Variants in DISC1 observed in about 807,000 individuals in gnomAD.
The protein encoded by DISC1 is DISC1 scaffold protein.
DISC1 carries 57 observed loss-of-function variants against 84.5 expected under a neutral mutation model. The observed-to-expected ratio is 0.67, with a 90% confidence interval of 0.55 to 0.84. The LOEUF (loss-of-function observed/expected upper bound fraction) is 0.84. Ranked by LOEUF, DISC1 falls within the 40% of genes least tolerant of loss-of-function variation. The probability of loss-of-function intolerance (pLI) is 0.00; values close to 1 mark genes in which losing one functional copy is unlikely to be tolerated. For missense variants in DISC1, 1,000 were observed against 1,057.8 expected (o/e 0.95, Z 0.76); for synonymous variants, 411 against 415.2 (o/e 0.99, Z 0.12).
At chr1:231,711,952 T>C (rs1014750592) in intron 3 of DISC1, among the ~76,000 whole-genome samples, 2 of 152,154 alleles carry the variant, frequency 1.3e-5, no homozygotes, top group African/African-American at 4.8e-5. Context: ...GCAGATGTGA[T>C]TGAATTAGAG....
At chr1:231,883,311 CAA>C (rs943501083) in intron 9 of DISC1, among the ~76,000 whole-genome samples, 1 of 151,794 alleles carries the variant, frequency 6.6e-6, no homozygotes, top group Admixed American at 6.6e-5. Flanking sequence ...CAGCAATGAA[CAA>C]AAAAAACCCA....
chr1:231,966,156 A>C (rs1661089317), intron 10 of DISC1, among the ~76,000 whole-genome samples: 1 of 152,138 alleles, frequency 6.6e-6, no homozygotes, highest in Non-Finnish European at 1.5e-5. Flanking sequence ...TTGACACTAT[A>C]TTCTCAACTA....
intron 3 of DISC1, among the ~76,000 whole-genome samples, chr1:231,710,094 T>C (rs1218789655): frequency 6.6e-6 from 1 of 152,122 alleles, no homozygotes; most frequent in African/African-American, 2.4e-5. Context: ...CCTAGCACTT[T>C]GAAAGGCTAA....
chr1:231,842,960 A>G (rs762262821), intron 9 of DISC1, among the ~76,000 whole-genome samples: 1 of 152,176 alleles, frequency 6.6e-6, no homozygotes, highest in African/African-American at 2.4e-5. Context: ...TAATTTTTAT[A>G]GTGAGCCACT....
chr1:231,825,567 G>T (rs1019408895), intron 9 of DISC1, among the ~76,000 whole-genome samples: 1 of 152,094 alleles, frequency 6.6e-6, no homozygotes, highest in African/African-American at 2.4e-5. Flanking sequence ...GAGCCTGTTT[G>T]CCATGTTTTG....
Position 231,675,508 on chromosome 1 carries a change from TG to T in DISC1, c.68-18317del, listed in dbSNP as rs1288881680. On this transcript the variant is annotated intron_variant, in intron 1 of 12. Transcript: ENST00000439617. This position sits in a 1 kb window ranked among gnomAD's most constrained non-coding sequence, Gnocchi z 4.1. ...CTTATCATCAGATAGAGATGCTATTTGTACATTTCTCCCTCATACATGTACA... is the reference window on the plus strand; with the variant it reads ...CTTATCATCAGATAGAGATGCTATTTTACATTTCTCCCTCATACATGTACA... Among the ~76,000 whole-genome samples, 1 of 152,224 alleles carries T rather than the reference TG, an allele frequency of 6.6e-6. No homozygotes were observed. The highest frequency in any genetic ancestry group is 2.1e-4 in the South Asian group (1 of 4,826).
At position 232,037,810 on chromosome 1, in the gene DISC1, T is replaced by G. The variant is rs1358794931; in HGVS notation, c.*979T>G. ...CTCAGTAATACAGTACAGTATTCAG[T>G]AAGGCAGTGAAGTACTCAGTAATAC... On this transcript the variant is annotated 3_prime_UTR_variant, in exon 13 of 13. Transcript: ENST00000439617. 1 of 151,630 alleles carries G rather than the reference T, an allele frequency of 6.6e-6. No homozygotes were observed. The highest frequency in any genetic ancestry group is 2.4e-5 in the African/African-American group (1 of 41,140). The allele number at this position is 151,630 out of a possible 1,614,324, so 9.4% of individuals were successfully genotyped here.
At chr1:231,916,627 C>A (rs996021671) in intron 9 of DISC1, among the ~76,000 whole-genome samples, 5 of 143,340 alleles carry the variant, frequency 3.5e-5, no homozygotes, top group Admixed American at 7.1e-5. Flanking sequence ...TGCACTCCAG[C>A]CTGGGCGACA....
intron 10 of DISC1, among the ~76,000 whole-genome samples, chr1:232,003,297 T>C (rs1463442038): frequency 6.6e-6 from 1 of 152,106 alleles, no homozygotes; most frequent in Non-Finnish European, 1.5e-5. Context: ...ATAAGCTGGG[T>C]AAATTTGAAT....
intron 3 of DISC1, among the ~76,000 whole-genome samples, chr1:231,713,585 A>G (rs1387211325): frequency 6.6e-6 from 1 of 151,534 alleles, no homozygotes; most frequent in Non-Finnish European, 1.5e-5. Flanking sequence ...ACTTGAAGAT[A>G]CTACAATGGA....
At chr1:231,729,218 C>A (rs2071185551) in intron 3 of DISC1, among the ~76,000 whole-genome samples, 1 of 152,228 alleles carries the variant, frequency 6.6e-6, no homozygotes, top group Non-Finnish European at 1.5e-5. Flanking sequence ...ATATGTGCCT[C>A]ATTTTCTTAA....
intron 4 of DISC1, 146 bp from the exon 5 acceptor site, chr1:231,766,994 A>G (rs2076218895): frequency 9.7e-7 from 1 of 1,036,180 alleles, no homozygotes; most frequent in Non-Finnish European, 1.4e-6. Context: ...TACATTAAGG[A>G]GCTCATCCTA....
intron 1 of DISC1, among the ~76,000 whole-genome samples, chr1:231,668,693 C>T (rs955351843): frequency 2.6e-5 from 4 of 152,178 alleles, no homozygotes; most frequent in African/African-American, 7.2e-5. Flanking sequence ...GTATGGTTAT[C>T]TTCTAATTAT....
At chr1:231,713,122 TA>T (rs1205848825) in intron 3 of DISC1, among the ~76,000 whole-genome samples, 1 of 152,136 alleles carries the variant, frequency 6.6e-6, no homozygotes, top group Non-Finnish European at 1.5e-5. Flanking sequence ...GAAAAGTATC[TA>T]CAAATGGACT....
chr1:231,701,963 C>A lies in DISC1; in HGVS notation c.1056C>A (p.Ser352=), dbSNP rs1372737122. The A allele has an allele frequency of 4.4e-6, 7 of 1,602,540 alleles. No individual in the cohort carries two copies. Among genetic ancestry groups the A allele is most frequent in the South Asian group, 1.1e-5 (1 of 89,390 alleles). The stretch of plus-strand genomic sequence containing the variant: ...CCTTTAAACCAACATAGGTAATATC[C>A]TTAAGATTAAAACTTCAGAAACTTC... ...LRNRRQMEVI[S]LRLKLQKLQE... is the part of the protein sequence containing the mutation. Residue 352 remains serine (S), a synonymous_variant, in exon 3 of 13, where the codon TCC becomes TCA. Coordinates refer to ENST00000439617, the MANE Select transcript of DISC1 (RefSeq NM_018662.3).
chr1:231,884,085 G>A (rs965969092), intron 9 of DISC1, among the ~76,000 whole-genome samples: 2 of 152,070 alleles, frequency 1.3e-5, no homozygotes, highest in South Asian at 2.1e-4. Flanking sequence ...CCTTTGGGGT[G>A]GGGCAGCTGC....
intron 10 of DISC1, among the ~76,000 whole-genome samples, chr1:231,967,825 AAAT>A (rs958307246): frequency 3.9e-5 from 6 of 152,224 alleles, no homozygotes; most frequent in East Asian, 1.9e-4. Context: ...AGTATGCTTA[AAAT>A]AATAATGCAT....
In DISC1 at chr1:231,800,210, G is replaced by C. The variant is rs2079117131; in HGVS notation, c.1792G>C (p.Gly598Arg). ...LLEAKMHAISGNHFWTAKDLT... is the reference protein window; with the variant it reads ...LLEAKMHAISRNHFWTAKDLT... ...TGAAGCCAAAATGCATGCCATATCA[G>C]GTAACTGGCAGTGTAGGAGACGTTG... The change falls in exon 8 of 13, where the codon GGA becomes CGA. Residue 598 changes from glycine (G) to arginine (R), a missense_variant and splice_region_variant. Gly to Arg is a moderately radical substitution (Grantham distance 125). Coordinates refer to ENST00000439617, the MANE Select transcript of DISC1 (RefSeq NM_018662.3). The C allele has an allele frequency of 6.2e-7, 1 of 1,610,340 alleles. No homozygotes were observed. The highest frequency in any genetic ancestry group is 2.2e-5 in the East Asian group (1 of 44,734).
At position 231,826,106 on chromosome 1, in the gene DISC1, A is replaced by C. The variant is rs554458203; in HGVS notation, c.1981+7589A>C. 2.6e-5 allele frequency among the ~76,000 whole-genome samples: 4 copies of C among 152,320 alleles called. No individual in the cohort carries two copies. The highest frequency in any genetic ancestry group is 4.1e-4 in the South Asian group (2 of 4,828). ...GAACTAAGCACTGTGCTAAGACTTG[A>C]CATACTTTAGTCATCTCATCCTCTG... On this transcript the variant is annotated intron_variant, in intron 9 of 12. Coordinates refer to ENST00000439617, the MANE Select transcript of DISC1 (RefSeq NM_018662.3). This position sits in a 1 kb window ranked among gnomAD's most constrained non-coding sequence, Gnocchi z 4.2.
Sources: allele counts gnomAD v4.1 joint callset (sites outside exome capture counted in the v4.1 genomes callset), GRCh38; gene constraint gnomAD v4.1.1; non-coding constraint Gnocchi (gnomAD v3.1); transcripts MANE v1.5; gene names NCBI Gene and HGNC (gene_info 2026-07-23, HGNC 2026-07-21).